The following DLC1 variants were observed in gnomAD, a reference collection of about 807,000 sequenced individuals.
DLC1 encodes DLC1 Rho GTPase activating protein, also known as rho GTPase-activating protein 7.
In DLC1, 54 loss-of-function variants were observed where a neutral mutation model predicts 140.3. The ratio of observed to expected loss-of-function variants is 0.38; its 90% CI spans 0.31 to 0.48. DLC1 has a LOEUF of 0.48. Ranked by LOEUF, DLC1 falls within the 20% of genes least tolerant of loss-of-function variation. The pLI, the probability that DLC1 is intolerant of heterozygous loss-of-function variation, is 0.96. For missense variants in DLC1, 2,536 were observed against 1,907.0 expected (o/e 1.33, Z -6.14); for synonymous variants, 986 against 728.1 (o/e 1.35, Z -5.70).
chr8:13,499,902 T>C lies in DLC1; in HGVS notation c.170A>G (p.Lys57Arg). The C allele has an allele frequency of 6.2e-7, 1 of 1,614,128 alleles. No homozygotes were observed. The highest frequency in any genetic ancestry group is 8.5e-7 in the Non-Finnish European group (1 of 1,180,002). The change falls in exon 2 of 18, where the codon AAG (lysine) becomes AGG (arginine). Residue 57 changes from lysine (K) to arginine (R), a missense_variant. By Grantham distance (26) the Lys-to-Arg change is conservative. Transcript: ENST00000276297. ...DATLNVDRKE[K>R]CVSLPDCCHG... Reference sequence around the variant, plus strand: ...ACAGCAGTCAGGTAGTGAAACACACTTCTCTTTGCGGTCCACATTTAGAGT... The same window carrying C: ...ACAGCAGTCAGGTAGTGAAACACACCTCTCTTTGCGGTCCACATTTAGAGT...
intron 2 of DLC1, among the ~76,000 whole-genome samples, chr8:13,477,201 A>C (rs967801680): frequency 1.5e-5 from 1 of 66,592 alleles, no homozygotes; most frequent in African/African-American, 4.2e-5. Flanking sequence ...GTTTATTCTC[A>C]AACAAGATGA....
At chr8:13,395,159 C>T (rs975264258) in intron 3 of DLC1, among the ~76,000 whole-genome samples, 19 of 151,500 alleles carry the variant, frequency 1.3e-4, no homozygotes, top group Admixed American at 2.6e-4. Context: ...CTCACACCGT[C>T]GCCCCGGCTG....
intron 2 of DLC1, among the ~76,000 whole-genome samples, chr8:13,407,690 C>T (rs1280228350): frequency 6.6e-6 from 1 of 152,154 alleles, no homozygotes; most frequent in East Asian, 1.9e-4. Context: ...AAATGCTAAA[C>T]CGGGAATAGA....
intron 4 of DLC1, among the ~76,000 whole-genome samples, chr8:13,333,628 A>G (rs1671363): frequency 6.6e-6 from 1 of 152,040 alleles, no homozygotes; most frequent in Non-Finnish European, 1.5e-5. Flanking sequence ...TCCTGCTTGT[A>G]ACAGAACTAC....
At chr8:13,565,670 C>A (rs6989489) in intron 1 of DLC1, among the ~76,000 whole-genome samples, 73,549 of 151,726 alleles carry the variant, frequency 0.48, 18,501 homozygotes, top group East Asian at 0.66. Context: ...CTGAATAATA[C>A]CCCCCAATCC....
At chr8:13,329,371 A>G (rs1833496409) in intron 4 of DLC1, among the ~76,000 whole-genome samples, 1 of 152,124 alleles carries the variant, frequency 6.6e-6, no homozygotes, top group Non-Finnish European at 1.5e-5. Flanking sequence ...TCAAGGTTGG[A>G]GTTGTATCCT....
intron 5 of DLC1, among the ~76,000 whole-genome samples, chr8:13,199,578 T>C (rs184429723): frequency 6.6e-6 from 1 of 152,336 alleles, no homozygotes. Flanking sequence ...CTGTCTATTG[T>C]ATTTTTAATA....
At chr8:13,183,661 G>A (rs1826170683) in intron 5 of DLC1, among the ~76,000 whole-genome samples, 3 of 152,198 alleles carry the variant, frequency 2.0e-5, no homozygotes, top group African/African-American at 7.2e-5. Context: ...TTCCAGGGAT[G>A]AAGCTGAATT....
At position 13,218,983 on chromosome 8, in the gene DLC1, TATATAATTATATACGA is replaced by T. The variant is rs1229576394; in HGVS notation, c.1348+86270_1348+86285del. The stretch of plus-strand genomic sequence containing the variant: ...GTATATAATTATATACGTATATAAC[TATATAATTATATACGA>T]ATATAATTATATAATTATATACGTA... On this transcript the variant is annotated intron_variant, in intron 5 of 17. Transcript: ENST00000276297. Among the ~76,000 whole-genome samples the T allele has an allele frequency of 7.4e-3, 243 of 33,060 alleles. 9 individuals are homozygous for T. Among genetic ancestry groups the T allele is most frequent in the East Asian group, 0.035 (8 of 226 alleles). 21.7% of individuals were successfully genotyped at this position (33,060 alleles called of 152,430 possible). A position where few individuals can be genotyped will look rare whatever the true frequency, so the allele number is the denominator to read the frequency against.
intron 1 of DLC1, among the ~76,000 whole-genome samples, chr8:13,535,702 C>T (rs996795970): frequency 2.8e-5 from 4 of 142,312 alleles, no homozygotes; most frequent in Admixed American, 7.1e-5. Context: ...AAACAACAAC[C>T]CTCCTCCAAA....
intron 4 of DLC1, among the ~76,000 whole-genome samples, chr8:13,375,030 T>TTC (rs1835906758): frequency 8.4e-6 from 1 of 119,472 alleles, no homozygotes; most frequent in Non-Finnish European, 1.9e-5. Context: ...GCTTGTGATT[T>TTC]TTTTTTTTTT....
At chr8:13,336,022 T>G (rs1454942) in intron 4 of DLC1, among the ~76,000 whole-genome samples, 130,023 of 151,988 alleles carry the variant, frequency 0.86, 56,033 homozygotes, top group East Asian at 0.95. Context: ...TGTACTGGAA[T>G]TTTAACTGGG....
At chr8:13,421,421 C>G (rs1412838692) in intron 2 of DLC1, among the ~76,000 whole-genome samples, 1 of 152,024 alleles carries the variant, frequency 6.6e-6, no homozygotes, top group East Asian at 1.9e-4. Context: ...CTTTAATAAC[C>G]ATCTGCATAT....
intron 4 of DLC1, among the ~76,000 whole-genome samples, chr8:13,359,811 C>T (rs1169616093): frequency 2.0e-5 from 3 of 152,094 alleles, no homozygotes; most frequent in Non-Finnish European, 2.9e-5. Flanking sequence ...TAAAGTTAAG[C>T]GATGAGATGT....
intron 4 of DLC1, among the ~76,000 whole-genome samples, chr8:13,361,772 G>C (rs773242169): frequency 6.6e-6 from 1 of 152,126 alleles, no homozygotes. Flanking sequence ...GTAGAATCAA[G>C]CTTCTTGCTC....
intron 5 of DLC1, among the ~76,000 whole-genome samples, chr8:13,236,970 C>G (rs781250565): frequency 1.3e-5 from 2 of 151,824 alleles, no homozygotes; most frequent in African/African-American, 4.8e-5. Flanking sequence ...AATCACTGAA[C>G]CTTTTCAGAT....
In DLC1 at chr8:13,445,872, A is replaced by G. The variant is rs754639104; in HGVS notation, c.1024-44253T>C. ...GCATATCTATGTGCTATTGAGAGATACAAAGAAATAGACATTTTAGACCCT... is the reference window on the plus strand; with the variant it reads ...GCATATCTATGTGCTATTGAGAGATGCAAAGAAATAGACATTTTAGACCCT... On this transcript the variant is annotated intron_variant, in intron 2 of 17. Transcript: ENST00000276297. 3.9e-4 allele frequency among the ~76,000 whole-genome samples: 60 copies of G among 152,220 alleles called. 1 individual carries two copies. The highest frequency in any genetic ancestry group is 9.8e-4 in the Admixed American group (15 of 15,278).
chr8:13,171,540 G>A lies in DLC1; in HGVS notation c.1349-55883C>T, dbSNP rs192382221. Among the ~76,000 whole-genome samples the A allele has an allele frequency of 3.3e-3, 495 of 152,128 alleles. 3 individuals are homozygous for A. The highest frequency in any genetic ancestry group is 0.011 in the African/African-American group (469 of 41,502). On this transcript the variant is annotated intron_variant, in intron 5 of 17. Coordinates refer to ENST00000276297, the MANE Select transcript of DLC1 (RefSeq NM_182643.3). ...TGAGTAGCTGGGACTACAGGTGCGT[G>A]CCACCATGCCCCACTAATTTTTTAT...
intron 5 of DLC1, among the ~76,000 whole-genome samples, chr8:13,215,028 C>T (rs531034177): frequency 2.0e-4 from 31 of 152,216 alleles, no homozygotes; most frequent in South Asian, 1.5e-3. Flanking sequence ...TTTATTCATT[C>T]GGCAAATAAT....
Sources: allele counts gnomAD v4.1 joint callset (sites outside exome capture counted in the v4.1 genomes callset), GRCh38; gene constraint gnomAD v4.1.1; transcripts MANE v1.5; gene names NCBI Gene and HGNC (gene_info 2026-07-23, HGNC 2026-07-21).